CADM2: variants seen among roughly 807,000 people sequenced by gnomAD.
CADM2 encodes the protein cell adhesion molecule 2, also known as immunoglobulin superfamily member 4D.
Under a neutral mutation model 49.8 loss-of-function variants are expected in CADM2, and 12 were observed. The ratio of observed to expected loss-of-function variants is 0.24; its 90% confidence interval spans 0.15 to 0.39. The LOEUF (loss-of-function observed/expected upper bound fraction) is 0.39. Ranked by LOEUF, CADM2 falls within the 10% of genes least tolerant of loss-of-function variation. The probability of loss-of-function intolerance (pLI) is 1.00; values close to 1 mark genes in which losing one functional copy is unlikely to be tolerated. For missense variants in CADM2, 378 were observed against 492.3 expected, an observed-to-expected ratio of 0.77 and a Z score of 2.20; for synonymous variants, 214 against 175.4, an observed-to-expected ratio of 1.22 and a Z score of -1.74.
intron 1 of CADM2, among the ~76,000 whole-genome samples, chr3:85,578,589 AC>A (rs1293365032): frequency 6.6e-6 from 1 of 152,212 alleles, no homozygotes; most frequent in African/African-American, 2.4e-5. Flanking sequence ...CGTCAGCATC[AC>A]TTTCTCTAGC....
rs527582057 is a variant in CADM2, at chr3:85,186,628, T to C, written c.61+226960T>C. Among the ~76,000 whole-genome samples, 78 of 152,078 alleles carry C rather than the reference T, an allele frequency of 5.1e-4. No individual in the cohort carries two copies. In the South Asian group the frequency reaches 0.016, roughly 32 times the overall value. On this transcript the variant is annotated intron_variant, in intron 1 of 9. Transcript: ENST00000383699. ...GGATATTTCCTTCTTTTGAGAGCTG[T>C]AGTCTGCATCTTAGGATGTTTAACA...
rs1382011265 is a variant in CADM2 at position 86,021,395 on chromosome 3, T to TGTA, written c.971-44208_971-44207insAGT. Among the ~76,000 whole-genome samples, 59 of 152,332 alleles carry TGTA rather than the reference T, an allele frequency of 3.9e-4. No individual in the cohort carries two copies. The South Asian group carries it at 0.012, about 31-fold the overall frequency. On this transcript the variant is annotated intron_variant, in intron 8 of 9. Transcript: ENST00000383699. ...CTTCCCGGAGGAATATATTTCCTTCTGTCCTATATCAGTGATGTACCTTAG... is the reference window on the plus strand; with the variant it reads ...CTTCCCGGAGGAATATATTTCCTTCTGTAGTCCTATATCAGTGATGTACCTTAG...
At chr3:85,291,221 GA>G (rs1431479782) in intron 1 of CADM2, among the ~76,000 whole-genome samples, 1 of 152,072 alleles carries the variant, frequency 6.6e-6, no homozygotes, top group Admixed American at 6.5e-5. Context: ...AATGAAGCTA[GA>G]AGGGAAGTTT....
intron 8 of CADM2, among the ~76,000 whole-genome samples, chr3:86,020,367 T>C (rs1235494025): frequency 6.6e-6 from 1 of 151,168 alleles, no homozygotes; most frequent in Non-Finnish European, 1.5e-5. Context: ...CCAAAAAGAG[T>C]CCAGGACCAG....
At chr3:85,968,496 A>T (rs1227148158) in intron 8 of CADM2, among the ~76,000 whole-genome samples, 1 of 151,676 alleles carries the variant, frequency 6.6e-6, no homozygotes, top group African/African-American at 2.4e-5. Flanking sequence ...TGAAATAAAT[A>T]TTTCTATGTG....
chr3:85,053,165 G>C (rs908581752), intron 1 of CADM2, among the ~76,000 whole-genome samples: 1 of 151,956 alleles, frequency 6.6e-6, no homozygotes, highest in African/African-American at 2.4e-5. Context: ...ATATAATGAA[G>C]GCTAAAATGT....
At position 84,980,670 on chromosome 3, in the gene CADM2, G is replaced by T. The variant is rs557037944; in HGVS notation, c.61+21002G>T. ...ATGGTGTGATTTTGAAATCTAACAG[G>T]CATGACCTGTGTTCTTTCTTTGCTG... On this transcript the variant is annotated intron_variant, in intron 1 of 9. Transcript: ENST00000383699. Among the ~76,000 whole-genome samples, 5 of 152,250 alleles carry T rather than the reference G, an allele frequency of 3.3e-5. No homozygotes were observed. The South Asian group carries it at 8.3e-4, about 25-fold the overall frequency.
chr3:85,266,349 T>G (rs2043120823), intron 1 of CADM2, among the ~76,000 whole-genome samples: 1 of 151,870 alleles, frequency 6.6e-6, no homozygotes, highest in African/African-American at 2.4e-5. Context: ...TTTATGACTA[T>G]TCAGTTCAAA....
chr3:85,477,774 T>C (rs2039039977), intron 1 of CADM2, among the ~76,000 whole-genome samples: 1 of 151,890 alleles, frequency 6.6e-6, no homozygotes, highest in African/African-American at 2.4e-5. Flanking sequence ...AGAACTCTGG[T>C]CTATGTACAA....
chr3:85,264,141 T>C (rs1220835596), intron 1 of CADM2, among the ~76,000 whole-genome samples: 1 of 152,052 alleles, frequency 6.6e-6, no homozygotes, highest in Non-Finnish European at 1.5e-5. Context: ...TGGAAGAAAA[T>C]TATGACAAGT....
intron 1 of CADM2, among the ~76,000 whole-genome samples, chr3:85,666,794 A>G (rs1300566737): frequency 2.0e-5 from 3 of 151,908 alleles, no homozygotes; most frequent in African/African-American, 7.2e-5. Context: ...CCTAGGTTGT[A>G]TGGCAGGAAG....
rs73130772 is a variant in CADM2, at chr3:85,330,911, G to A, written c.61+371243G>A. ...TGTGAGTTTGAGGCTGCAGTGAGCCGTAATAACACTATTGCACTTCATTCT... is the reference window on the plus strand; with the variant it reads ...TGTGAGTTTGAGGCTGCAGTGAGCCATAATAACACTATTGCACTTCATTCT... On this transcript the variant is annotated intron_variant, in intron 1 of 9. Coordinates refer to ENST00000383699, the MANE Select transcript of CADM2 (RefSeq NM_001167675.2). 5.3e-3 allele frequency among the ~76,000 whole-genome samples: 806 copies of A among 152,086 alleles called. 5 individuals are homozygous for A. Among genetic ancestry groups the A allele is most frequent in the Non-Finnish European group, 7.2e-3 (492 of 67,964 alleles).
At chr3:85,480,850 A>G (rs1559861594) in intron 1 of CADM2, among the ~76,000 whole-genome samples, 1 of 151,894 alleles carries the variant, frequency 6.6e-6, no homozygotes, top group Non-Finnish European at 1.5e-5. Context: ...ACAAAAATAG[A>G]AAATAAAAAA....
intron 2 of CADM2, among the ~76,000 whole-genome samples, chr3:85,771,058 T>C (rs1368600689): frequency 6.6e-6 from 1 of 152,168 alleles, no homozygotes; most frequent in Non-Finnish European, 1.5e-5. Context: ...CTTTCTCATA[T>C]GGATTAAGAC....
chr3:85,175,560 A>G (rs2040759556), intron 1 of CADM2, among the ~76,000 whole-genome samples: 2 of 152,172 alleles, frequency 1.3e-5, no homozygotes, highest in South Asian at 4.1e-4. Context: ...AAATTCAGAA[A>G]GAAGGTGGTT....
At chr3:85,393,089 T>TAAAAAAAA (rs781046665) in intron 1 of CADM2, among the ~76,000 whole-genome samples, 3 of 128,426 alleles carry the variant, frequency 2.3e-5, no homozygotes, top group East Asian at 2.2e-4. Flanking sequence ...GTAAACTCTT[T>TAAAAAAAA]AAAAAAAAAA....
chr3:85,439,504 A>G (rs1380896559), intron 1 of CADM2, among the ~76,000 whole-genome samples: 1 of 152,142 alleles, frequency 6.6e-6, no homozygotes, highest in Non-Finnish European at 1.5e-5. Context: ...ATTTATTGTT[A>G]TTTATAAGTT....
intron 1 of CADM2, among the ~76,000 whole-genome samples, chr3:85,688,222 G>T (rs544592381): frequency 4.6e-5 from 7 of 152,204 alleles, no homozygotes; most frequent in Non-Finnish European, 8.8e-5. Flanking sequence ...GATGAGATAG[G>T]ACCGTTTGCA....
At chr3:85,793,137 A>G (rs545775729) in intron 2 of CADM2, among the ~76,000 whole-genome samples, 2 of 152,344 alleles carry the variant, frequency 1.3e-5, no homozygotes, top group South Asian at 4.1e-4. Flanking sequence ...GCAACATTGA[A>G]GGAATAATGG....
Sources: gnomAD v4.1 joint callset for allele counts (sites outside exome capture counted in the v4.1 genomes callset) on GRCh38, gnomAD v4.1.1 for gene constraint, MANE v1.5 for transcripts, NCBI Gene and HGNC (gene_info 2026-07-23, HGNC 2026-07-21) for gene names.